Variants in NMRK2 observed in about 807,000 individuals in gnomAD.
NMRK2 encodes nicotinamide riboside kinase 2.
NMRK2 carries 34 observed loss-of-function variants against 24.7 expected under a neutral mutation model. That is an observed-to-expected ratio of 1.37 (90% confidence interval 1.05 to 1.83). The LOEUF (loss-of-function observed/expected upper bound fraction) is 1.83. NMRK2 is among the 40% of genes most tolerant of loss of function. NMRK2 has a pLI of 0.00. For synonymous variants in NMRK2, 145 were observed against 125.6 expected (o/e 1.15, Z -1.03); for missense variants, 341 against 315.0 (o/e 1.08, Z -0.62).
In NMRK2 at chr19:3,937,108, G is replaced by A. The variant is rs1444143797; in HGVS notation, c.118-132G>A. On this transcript the variant is annotated intron_variant, in intron 3 of 7. Coordinates refer to ENST00000168977, the MANE Select transcript of NMRK2 (RefSeq NM_170678.3). ...GATTGATGGTCTGGGGAAAATCTGA[G>A]GGTCAGGCAGAGCCCCCACGCCTCA... 5.1e-6 allele frequency: 4 copies of A among 791,568 alleles called. No individual in the cohort carries two copies. The African/African-American group carries it at 6.9e-5, about 14-fold the overall frequency. 49.0% of individuals were successfully genotyped at this position (791,568 alleles called of 1,614,324 possible). A position where few individuals can be genotyped will look rare whatever the true frequency, so the allele number is the denominator to read the frequency against.
chr19:3,942,051 C>A (rs200915484), intron 7 of NMRK2, 32 bp from the exon 8 acceptor site: 3 of 1,598,818 alleles, frequency 1.9e-6, no homozygotes, highest in Non-Finnish European at 2.6e-6. Flanking sequence ...CCCTTCCTCC[C>A]GGCAGCCCTG....
rs144869379 is a variant in NMRK2 at position 3,942,014 on chromosome 19, G to A, written c.503-69G>A. The A allele has an allele frequency of 2.0e-3, 2,588 of 1,310,902 alleles. 38 individuals are homozygous for A. In the East Asian group the frequency reaches 0.038, roughly 19 times the overall value. The allele number at this position is 1,310,902 out of a possible 1,614,324, so 81.2% of individuals were successfully genotyped here. A position where few individuals can be genotyped will look rare whatever the true frequency, so the allele number is the denominator to read the frequency against. ...AGATCTCCTTGCTCCTGACCCAGCC[G>A]TCCACTCGTCCCCCCGTGCTCTGGC... On this transcript the variant is annotated intron_variant, in intron 7 of 7. Transcript: ENST00000168977.
chr19:3,939,882 C>CT lies in NMRK2; in HGVS notation c.324-17dup, dbSNP rs1474198495. 2 of 1,609,558 alleles carry CT rather than the reference C, an allele frequency of 1.2e-6. No homozygotes were observed. Among genetic ancestry groups the CT allele is most frequent in the South Asian group, 2.2e-5 (2 of 90,908 alleles). On this transcript the variant is annotated splice_polypyrimidine_tract_variant and intron_variant, in intron 5 of 7. Transcript: ENST00000168977. Reference sequence around the variant, plus strand: ...GAAAGCTCACAGGTGCTGACCGTGTCTCCCCCACTCCGCCCAGGCCCCTGG... The same window carrying CT: ...GAAAGCTCACAGGTGCTGACCGTGTCTTCCCCCACTCCGCCCAGGCCCCTGG...
At chr19:3,942,019 C>T (rs1171798176) in intron 7 of NMRK2, 64 bp from the exon 8 acceptor site, 2 of 1,393,120 alleles carry the variant, frequency 1.4e-6, no homozygotes, top group South Asian at 2.5e-5. Context: ...CAGCCGTCCA[C>T]TCGTCCCCCC....
In NMRK2 at chr19:3,938,660, G is replaced by A; in HGVS notation, c.224G>A (p.Ser75Asn). The change falls in exon 5 of 8, where the codon AGC becomes AAC. Residue 75 changes from serine (S) to asparagine (N), a missense_variant. By Grantham distance (46) the Ser-to-Asn change is conservative. Coordinates refer to ENST00000168977, the MANE Select transcript of NMRK2 (RefSeq NM_170678.3). ...MLDTVQAWLS[S>N]PQKFARAHGV... ...GACACCGTGCAGGCCTGGCTGAGCA[G>A]CCCGCAGAAGTTTGCCCGTGCCCAC... The A allele has an allele frequency of 1.2e-6, 2 of 1,612,220 alleles. No homozygotes were observed. The highest frequency in any genetic ancestry group is 1.7e-6 in the Non-Finnish European group (2 of 1,179,216).
rs2039352602 is a variant in NMRK2 at position 3,942,407 on chromosome 19, G to C, written c.*134G>C. ...CAGCTTCAGTAGTAAACTGGGTCCT[G>C]TTTTTTTAACTGTTGGTGTCTACCG... On this transcript the variant is annotated 3_prime_UTR_variant, in exon 8 of 8. Coordinates refer to ENST00000168977, the MANE Select transcript of NMRK2 (RefSeq NM_170678.3). The C allele has an allele frequency of 6.5e-6, 5 of 766,438 alleles. No homozygotes were observed. In the South Asian group the frequency reaches 9.1e-5, roughly 14 times the overall value. 47.5% of individuals were successfully genotyped at this position (766,438 alleles called of 1,614,324 possible).
In NMRK2 at chr19:3,941,179, T is replaced by C. The variant is rs1417781519; in HGVS notation, c.502+2T>C. ...TGGAGGCCAACGGTGTGGAAGTGGG[T>C]AAGCCCCTGAGCATGACCAGGCCTT... On this transcript the variant is annotated splice_donor_variant, in intron 7 of 7. Transcript: ENST00000168977. LOFTEE classifies it high-confidence loss of function. 3.4e-6 allele frequency: 5 copies of C among 1,479,484 alleles called. No homozygotes were observed. Among genetic ancestry groups the C allele is most frequent in the Non-Finnish European group, 4.6e-6 (5 of 1,077,482 alleles). 91.6% of individuals were successfully genotyped at this position (1,479,484 alleles called of 1,614,324 possible).
At chr19:3,938,433 C>T (rs1599162467) in intron 4 of NMRK2, among the ~76,000 whole-genome samples, 170 bp from the exon 5 acceptor site, 1 of 138,252 alleles carries the variant, frequency 7.2e-6, no homozygotes, top group South Asian at 2.4e-4. Context: ...CCCCGGGGTC[C>T]ACCCTCCTGC....
rs1443193614 is a variant in NMRK2, at chr19:3,938,842, T to TG, written c.323+83_323+84insG. On this transcript the variant is annotated intron_variant, in intron 5 of 7. Coordinates refer to ENST00000168977, the MANE Select transcript of NMRK2 (RefSeq NM_170678.3). ...CTCTTGTTTTTTTTTTTTTTTTTTT[T>TG]TGTTTTGTTTTTTTTTTTTTTTGAG... 1.4e-3 allele frequency: 468 copies of TG among 334,270 alleles called. 3 individuals are homozygous for TG. Among genetic ancestry groups the TG allele is most frequent in the Middle Eastern group, 2.9e-3 (3 of 1,034 alleles). 20.7% of individuals were successfully genotyped at this position (334,270 alleles called of 1,614,324 possible). A position where few individuals can be genotyped will look rare whatever the true frequency, so the allele number is the denominator to read the frequency against.
rs142817100 is a variant in NMRK2, at chr19:3,938,640, C to T, written c.204C>T (p.Thr68=). The change falls in exon 5 of 8, where the codon ACC becomes ACT. Residue 68 remains threonine, a synonymous_variant. Transcript: ENST00000168977. ...TGGACATGGAGGCCATGCTGGACAC[C>T]GTGCAGGCCTGGCTGAGCAGCCCGC... ...ESLDMEAMLD[T]VQAWLSSPQK... is the part of the protein sequence containing the mutation. The T allele has an allele frequency of 1.9e-4, 297 of 1,604,446 alleles. No homozygotes were observed. Among genetic ancestry groups the T allele is most frequent in the Non-Finnish European group, 2.3e-4 (273 of 1,174,148 alleles).
intron 4 of NMRK2, 30 bp downstream of exon 4, chr19:3,937,318 C>A: frequency 6.2e-7 from 1 of 1,607,614 alleles, no homozygotes; most frequent in East Asian, 2.2e-5. Flanking sequence ...CCAAGCCCCA[C>A]TATCCCCCGG....
chr19:3,933,707 G>T lies in NMRK2; in HGVS notation c.26+10G>T. On this transcript the variant is annotated intron_variant, in intron 2 of 7. Coordinates refer to ENST00000168977, the MANE Select transcript of NMRK2 (RefSeq NM_170678.3). ...TCGTGGGCATCGGAGGGTGAGCGCC[G>T]GGGGACCTGGTGGGCGGCCCTGCGG... 2.1e-6 allele frequency: 3 copies of T among 1,433,540 alleles called. No homozygotes were observed. The highest frequency in any genetic ancestry group is 1.5e-5 in the African/African-American group (1 of 67,816). 88.8% of individuals were successfully genotyped at this position (1,433,540 alleles called of 1,614,324 possible). A position where few individuals can be genotyped will look rare whatever the true frequency, so the allele number is the denominator to read the frequency against.
intron 5 of NMRK2, 129 bp from the exon 6 acceptor site, chr19:3,939,771 A>C: frequency 2.8e-6 from 2 of 723,296 alleles, no homozygotes; most frequent in Non-Finnish European, 4.7e-6. Context: ...CCTGACCCCT[A>C]AACTCACTGG....
intron 7 of NMRK2, 41 bp from the exon 8 acceptor site, chr19:3,942,042 C>G: frequency 6.3e-7 from 1 of 1,580,062 alleles, no homozygotes; most frequent in Non-Finnish European, 8.7e-7. Flanking sequence ...GCTCTGGCCC[C>G]CTTCCTCCCG....
At position 3,933,652 on chromosome 19, in the gene NMRK2, C is replaced by T. The variant is rs766853054; in HGVS notation, c.-20C>T. 35 of 1,516,254 alleles carry T rather than the reference C, an allele frequency of 2.3e-5. No homozygotes were observed. In the Middle Eastern group the frequency reaches 5.2e-4, roughly 23 times the overall value. 93.9% of individuals were successfully genotyped at this position (1,516,254 alleles called of 1,614,324 possible). ...CCCGGGCTGCCTTGGAAGTCGTCCC[C>T]GCCGCCCCTCCGCACCGGCATGAAG... On this transcript the variant is annotated 5_prime_UTR_variant, in exon 2 of 8. Coordinates refer to ENST00000168977, the MANE Select transcript of NMRK2 (RefSeq NM_170678.3).
chr19:3,940,177 T>C (rs2039305714), intron 6 of NMRK2, among the ~76,000 whole-genome samples: 1 of 147,094 alleles, frequency 6.8e-6, no homozygotes, highest in South Asian at 2.2e-4. Flanking sequence ...TGAAACCCCG[T>C]CTCTACTAAA....
At chr19:3,937,325 C>T (rs2039232160) in intron 4 of NMRK2, 37 bp downstream of exon 4, 3 of 1,589,152 alleles carry the variant, frequency 1.9e-6, no homozygotes, top group Non-Finnish European at 2.6e-6. Flanking sequence ...CCACTATCCC[C>T]CGGGGTCCGC....
At position 3,937,253 on chromosome 19, in the gene NMRK2, T is replaced by C. The variant is rs764070326; in HGVS notation, c.131T>C (p.Ile44Thr). 29 of 1,613,194 alleles carry C rather than the reference T, an allele frequency of 1.8e-5. No individual in the cohort carries two copies. The highest frequency in any genetic ancestry group is 3.3e-5 in the South Asian group (3 of 91,056). ...QDDFFKPQDQIAVGEDGFKQW... is the reference protein window; with the variant it reads ...QDDFFKPQDQTAVGEDGFKQW... ...CCTCTGTTTCAGCCCCAAGACCAAA[T>C]AGCAGTTGGGGAAGACGGCTTCAAA... Residue 44 changes from isoleucine (I) to threonine (T), a missense_variant, in exon 4 of 8, where the codon ATA becomes ACA. Physicochemically the swap from Ile to Thr is moderately conservative, Grantham distance 89 (BLOSUM62 -1). Transcript: ENST00000168977.
rs1456694123 is a variant in NMRK2 at position 3,938,606 on chromosome 19, T to C, written c.170T>C (p.Leu57Pro). 6.3e-6 allele frequency: 10 copies of C among 1,581,946 alleles called. No individual in the cohort carries two copies. The East Asian group carries it at 2.3e-4, about 37-fold the overall frequency. The change falls in exon 5 of 8, where the codon CTG (leucine) becomes CCG (proline). Residue 57 changes from leucine to proline, a missense_variant. Transcript: ENST00000168977. The part of the protein sequence containing the change: ...GEDGFKQWDV[L>P]ESLDMEAMLD... The stretch of plus-strand genomic sequence containing the variant: ...ATGCCTGCTCCCCTTTCCCCAGTGC[T>C]GGAGTCTCTGGACATGGAGGCCATG...
Sources: allele counts gnomAD v4.1 joint callset (sites outside exome capture counted in the v4.1 genomes callset), GRCh38; gene constraint gnomAD v4.1.1; transcripts MANE v1.5; gene names NCBI Gene and HGNC (gene_info 2026-07-23, HGNC 2026-07-21).